Variants in CSN1S1 observed in about 807,000 individuals in gnomAD.
The protein encoded by CSN1S1 is casein alpha s1.
A neutral mutation model predicts 49.1 loss-of-function variants in CSN1S1; 63 were observed. The observed-to-expected ratio is 1.28, with a 90% CI of 1.05 to 1.58. CSN1S1 has a LOEUF of 1.58. CSN1S1 is among the 40% of genes most tolerant of loss of function. The pLI is 0.00. For missense variants in CSN1S1, 260 were observed against 224.7 expected, an observed-to-expected ratio of 1.16 and a Z score of -1.01; for synonymous variants, 78 against 67.1, an observed-to-expected ratio of 1.16 and a Z score of -0.79.
intron 14 of CSN1S1, among the ~76,000 whole-genome samples, chr4:69,944,047 G>A (rs1723070102): frequency 6.6e-6 from 1 of 151,594 alleles, no homozygotes. Flanking sequence ...TAAGAACAGG[G>A]CCAGTTCTAT....
At position 69,940,002 on chromosome 4, in the gene CSN1S1, T is replaced by G; in HGVS notation, c.277-19T>G. 7.4e-7 allele frequency: 1 copy of G among 1,359,758 alleles called. No individual in the cohort carries two copies. The highest frequency in any genetic ancestry group is 1.0e-6 in the Non-Finnish European group (1 of 1,001,194). The allele number at this position is 1,359,758 out of a possible 1,614,324, so 84.2% of individuals were successfully genotyped here. On this transcript the variant is annotated intron_variant, in intron 10 of 15. Transcript: ENST00000246891. Reference sequence around the variant, plus strand: ...AATGTCGTGAAATTAAAACTATGCATGTTTTAATTTTTTTAAAGGAAATGT... The same window carrying G: ...AATGTCGTGAAATTAAAACTATGCAGGTTTTAATTTTTTTAAAGGAAATGT...
At chr4:69,934,638 A>C (rs1193373319) in intron 3 of CSN1S1, 52 bp from the exon 4 acceptor site, 1 of 1,533,558 alleles carries the variant, frequency 6.5e-7, no homozygotes, top group Non-Finnish European at 9.0e-7. Context: ...CTAATCCTAC[A>C]TTCTGTCCTG....
chr4:69,931,942 T>C (rs1228239625), intron 1 of CSN1S1, among the ~76,000 whole-genome samples: 1 of 151,924 alleles, frequency 6.6e-6, no homozygotes. Context: ...ATGTCATGAA[T>C]ATTCCAATGT....
rs1421089266 is a variant in CSN1S1, at chr4:69,937,012, A to T, written c.196-109A>T. 8 of 789,476 alleles carry T rather than the reference A, an allele frequency of 1.0e-5. No individual in the cohort carries two copies. In the East Asian group the frequency reaches 1.9e-4, roughly 19 times the overall value. The allele number at this position is 789,476 out of a possible 1,614,324, so 48.9% of individuals were successfully genotyped here. A position where few individuals can be genotyped will look rare whatever the true frequency, so the allele number is the denominator to read the frequency against. On this transcript the variant is annotated intron_variant, in intron 7 of 15. Coordinates refer to ENST00000246891, the MANE Select transcript of CSN1S1 (RefSeq NM_001890.2). ...ACATCTTTGATTTGGATTGTCTACT[A>T]GTTTTCTAGTAGAATTGGTATTGAG...
At chr4:69,944,721 TCA>T in intron 14 of CSN1S1, 127 bp from the exon 15 acceptor site, 2 of 1,008,220 alleles carry the variant, frequency 2.0e-6, no homozygotes, top group Non-Finnish European at 2.9e-6. Flanking sequence ...TTCTTTTCCC[TCA>T]CAGAGTAATC....
intron 12 of CSN1S1, among the ~76,000 whole-genome samples, chr4:69,941,475 G>A (rs1722965883): frequency 6.6e-6 from 1 of 151,982 alleles, no homozygotes; most frequent in African/African-American, 2.4e-5. Context: ...CTAAACATCA[G>A]ATTTGCTTCT....
chr4:69,934,547 G>A (rs1722709052), intron 3 of CSN1S1, 143 bp from the exon 4 acceptor site: 1 of 723,912 alleles, frequency 1.4e-6, no homozygotes, highest in Non-Finnish European at 2.3e-6. Context: ...ACATATTCAA[G>A]CATGTGATTT....
chr4:69,941,933 G>T (rs1429749115), intron 12 of CSN1S1, 113 bp from the exon 13 acceptor site: 3 of 576,728 alleles, frequency 5.2e-6, no homozygotes, highest in Non-Finnish European at 5.9e-6. Flanking sequence ...TTTTACAGTG[G>T]TATCTCCAGT....
rs62305468 is a variant in CSN1S1 at position 69,942,962 on chromosome 4, C to T, written c.402+385C>T. Among the ~76,000 whole-genome samples, 5 of 145,708 alleles carry T rather than the reference C, an allele frequency of 3.4e-5. No individual in the cohort carries two copies. In the East Asian group the frequency reaches 1.0e-3, roughly 29 times the overall value. On this transcript the variant is annotated intron_variant, in intron 14 of 15. Coordinates refer to ENST00000246891, the MANE Select transcript of CSN1S1 (RefSeq NM_001890.2). The stretch of plus-strand genomic sequence containing the variant: ...ACATGCTAATTAAAAAAAAAAAAAC[C>T]ATGTAAAGAAAGCCATGGAACATCC...
chr4:69,945,434 A>T (rs1723130850), intron 15 of CSN1S1, among the ~76,000 whole-genome samples: 1 of 151,982 alleles, frequency 6.6e-6, no homozygotes, highest in Admixed American at 6.6e-5. Flanking sequence ...CTAAATTCAA[A>T]TCCTAACCTT....
chr4:69,939,976 T>C, intron 10 of CSN1S1, 45 bp from the exon 11 acceptor site: 1 of 1,133,452 alleles, frequency 8.8e-7, no homozygotes. Flanking sequence ...AAATGTAAAT[T>C]AATGTCGTGA....
rs1193475109 is a variant in CSN1S1 at position 69,934,849 on chromosome 4, G to A, written c.105+139G>A. The A allele has an allele frequency of 6.8e-6, 5 of 737,844 alleles. No individual in the cohort carries two copies. The East Asian group carries it at 1.1e-4, about 16-fold the overall frequency. The allele number at this position is 737,844 out of a possible 1,614,324, so 45.7% of individuals were successfully genotyped here. A position where few individuals can be genotyped will look rare whatever the true frequency, so the allele number is the denominator to read the frequency against. On this transcript the variant is annotated intron_variant, in intron 4 of 15. Coordinates refer to ENST00000246891, the MANE Select transcript of CSN1S1 (RefSeq NM_001890.2). ...ATCCAACAACTCAAGTACCTGGATT[G>A]CTCTCTAAATTCTGTTTTGATGAAA...
chr4:69,934,319 T>C (rs947878445), intron 3 of CSN1S1, 75 bp downstream of exon 3: 1 of 1,373,800 alleles, frequency 7.3e-7, no homozygotes, highest in Middle Eastern at 1.8e-4. Context: ...GCTTCCCTTC[T>C]CTATGAAACA....
chr4:69,933,873 A>G (rs1298706819), intron 2 of CSN1S1, among the ~76,000 whole-genome samples: 1 of 152,082 alleles, frequency 6.6e-6, no homozygotes, highest in Non-Finnish European at 1.5e-5. Context: ...TAATATATAT[A>G]GTTCAGAAAA....
At chr4:69,937,685 T>C (rs1722831664) in intron 8 of CSN1S1, 115 bp from the exon 9 acceptor site, 1 of 810,138 alleles carries the variant, frequency 1.2e-6, no homozygotes, top group Non-Finnish European at 1.9e-6. Context: ...TCTTATTACT[T>C]TTATATTGTC....
At chr4:69,943,477 T>C (rs1723050223) in intron 14 of CSN1S1, among the ~76,000 whole-genome samples, 2 of 152,058 alleles carry the variant, frequency 1.3e-5, no homozygotes, top group South Asian at 2.1e-4. Flanking sequence ...GACCTATTAC[T>C]TCAATGTAAT....
intron 2 of CSN1S1, 97 bp downstream of exon 2, chr4:69,932,703 C>A: frequency 9.1e-7 from 1 of 1,103,310 alleles, no homozygotes; most frequent in Non-Finnish European, 1.3e-6. Flanking sequence ...AATCTTAAAG[C>A]ACTGGATGAT....
Position 69,944,954 on chromosome 4 carries a change from T to A in CSN1S1, c.507T>A (p.Asn169Lys), listed in dbSNP as rs1402027124. Residue 169 changes from asparagine to lysine, a missense_variant, in exon 15 of 16, where the codon AAT (asparagine) becomes AAA (lysine). Coordinates refer to ENST00000246891, the MANE Select transcript of CSN1S1 (RefSeq NM_001890.2). ...TCCCACCGTTTTCCGACATCTCCAATCCCACTGCTCATGAAAATTATGAAA... is the reference window on the plus strand; with the variant it reads ...TCCCACCGTTTTCCGACATCTCCAAACCCACTGCTCATGAAAATTATGAAA... ...VPFPPFSDIS[N>K]PTAHENYEKN... The A allele has an allele frequency of 1.9e-6, 3 of 1,612,848 alleles. No homozygotes were observed. The highest frequency in any genetic ancestry group is 8.5e-7 in the Non-Finnish European group (1 of 1,179,232).
chr4:69,934,756 C>T, intron 4 of CSN1S1, 46 bp downstream of exon 4: 1 of 1,557,500 alleles, frequency 6.4e-7, no homozygotes, highest in Non-Finnish European at 8.8e-7. Flanking sequence ...TCCTTTTGCT[C>T]TCTTTCAGTT....
Sources: allele counts gnomAD v4.1 joint callset (sites outside exome capture counted in the v4.1 genomes callset), GRCh38; gene constraint gnomAD v4.1.1; transcripts MANE v1.5; gene names NCBI Gene and HGNC (gene_info 2026-07-23, HGNC 2026-07-21).